The following SLC12A5 variants were observed in gnomAD, a reference collection of about 807,000 sequenced individuals.
SLC12A5 encodes the protein K-Cl cotransporter 2.
Under a neutral mutation model 124.0 loss-of-function variants are expected in SLC12A5, and 18 were observed. The observed-to-expected ratio is 0.15, with a 90% confidence interval of 0.10 to 0.22. The LOEUF (loss-of-function observed/expected upper bound fraction) is 0.22. Ranked by LOEUF, SLC12A5 falls within the 10% of genes least tolerant of loss-of-function variation. SLC12A5 has a pLI of 1.00. For missense variants in SLC12A5, 867 were observed against 1,478.7 expected (o/e 0.59, Z 6.78); for synonymous variants, 589 against 568.0 (o/e 1.04, Z -0.53).
At chr20:46,038,851 A>G (rs2084520186) in intron 6 of SLC12A5, among the ~76,000 whole-genome samples, 2 of 152,250 alleles carry the variant, frequency 1.3e-5, no homozygotes, top group South Asian at 4.1e-4. Flanking sequence ...CACAGCAATT[A>G]GTGTCACGGC....
rs1218000000 is a variant in SLC12A5 at position 46,029,334 on chromosome 20, G to A, written c.-11G>A. ...CGCAGCCATCCCCGGACCAGGGGCCGCGCCGCCACCATGCTAAACAACCTG... is the reference window on the plus strand; with the variant it reads ...CGCAGCCATCCCCGGACCAGGGGCCACGCCGCCACCATGCTAAACAACCTG... On this transcript the variant is annotated 5_prime_UTR_variant, in exon 1 of 26. Transcript: ENST00000243964. The A allele has an allele frequency of 1.8e-5, 28 of 1,543,332 alleles. No individual in the cohort carries two copies. In the South Asian group the frequency reaches 3.0e-4, roughly 17 times the overall value.
In SLC12A5 at chr20:46,057,449, C is replaced by A. The variant is rs753088645; in HGVS notation, c.3260-65C>A. The A allele has an allele frequency of 1.4e-5, 23 of 1,604,136 alleles. No individual in the cohort carries two copies. The highest frequency in any genetic ancestry group is 1.8e-5 in the Non-Finnish European group (21 of 1,171,098). ...CGGGCGCGAGAGGTCCCCTGGCAGC[C>A]GAGCGCGACCCCAATTTCGTCGGGA... On this transcript the variant is annotated intron_variant, in intron 25 of 25. Coordinates refer to ENST00000243964, the MANE Select transcript of SLC12A5 (RefSeq NM_020708.5). This position sits in a 1 kb window ranked among gnomAD's most constrained non-coding sequence, Gnocchi z 7.1.
At chr20:46,051,320 C>T (rs2084644195) in intron 17 of SLC12A5, among the ~76,000 whole-genome samples, 1 of 152,128 alleles carries the variant, frequency 6.6e-6, no homozygotes, top group African/African-American at 2.4e-5. Context: ...GGGGTGGTAT[C>T]TGAAGACGGC....
rs149824011 is a variant in SLC12A5 at position 46,045,927 on chromosome 20, T to C, written c.1619T>C (p.Leu540Pro). The change falls in exon 13 of 26, where the codon CTG (leucine) becomes CCG (proline). Residue 540 changes from leucine (L) to proline (P), a missense_variant. By Grantham distance (98) the Leu-to-Pro change is moderately conservative. This residue lies in a region of SLC12A5 where 152 missense variants were observed against 358.7 expected (regional missense o/e 0.42). Coordinates refer to ENST00000243964, the MANE Select transcript of SLC12A5 (RefSeq NM_020708.5). This position sits in a 1 kb window ranked among gnomAD's most constrained non-coding sequence, Gnocchi z 4.9. ...ANGEPTWALL[L>P]TACICEIGIL... ...GGAGAGCCGACCTGGGCCCTGCTCC[T>C]GACTGCCTGCATCTGCGAGATTGGC... 14 of 1,614,082 alleles carry C rather than the reference T, an allele frequency of 8.7e-6. No individual in the cohort carries two copies. The highest frequency in any genetic ancestry group is 3.4e-6 in the Non-Finnish European group (4 of 1,180,030).
Position 46,057,582 on chromosome 20 carries a change from G to A in SLC12A5, c.3328G>A (p.Glu1110Lys). ...RVMLVRGGGR[E>K]VITIYS ...GATGCTGGTCCGCGGCGGCGGCCGCGAGGTCATCACCATCTACTCCTGAGA... is the reference window on the plus strand; with the variant it reads ...GATGCTGGTCCGCGGCGGCGGCCGCAAGGTCATCACCATCTACTCCTGAGA... Residue 1110 changes from glutamate (E) to lysine (K), a missense_variant, in exon 26 of 26, where the codon GAG becomes AAG. Transcript: ENST00000243964. This position sits in a 1 kb window ranked among gnomAD's most constrained non-coding sequence, Gnocchi z 7.1. The A allele has an allele frequency of 6.2e-7, 1 of 1,613,914 alleles. No homozygotes were observed. The highest frequency in any genetic ancestry group is 8.5e-7 in the Non-Finnish European group (1 of 1,179,940).
At position 46,058,136 on chromosome 20, in the gene SLC12A5, A is replaced by T; in HGVS notation, c.*531A>T. 5.2e-6 allele frequency: 1 copy of T among 193,034 alleles called. No homozygotes were observed. 12.0% of individuals were successfully genotyped at this position (193,034 alleles called of 1,614,324 possible). On this transcript the variant is annotated 3_prime_UTR_variant, in exon 26 of 26. Transcript: ENST00000243964. The surrounding 1 kb of genome is among the most constrained non-coding windows in gnomAD (Gnocchi z 5.8). Reference sequence around the variant, plus strand: ...AGCCTATACATAGTGTACAGGAGACATCGCGTGTATTTTTAACGTCCCCAT... The same window carrying T: ...AGCCTATACATAGTGTACAGGAGACTTCGCGTGTATTTTTAACGTCCCCAT...
At position 46,056,050 on chromosome 20, in the gene SLC12A5, A is replaced by G. The variant is rs1349056057; in HGVS notation, c.2788-100A>G. The G allele has an allele frequency of 1.3e-6, 2 of 1,515,796 alleles. No individual in the cohort carries two copies. Among genetic ancestry groups the G allele is most frequent in the African/African-American group, 2.8e-5 (2 of 72,604 alleles). 93.9% of individuals were successfully genotyped at this position (1,515,796 alleles called of 1,614,324 possible). A position where few individuals can be genotyped will look rare whatever the true frequency, so the allele number is the denominator to read the frequency against. On this transcript the variant is annotated intron_variant, in intron 21 of 25. Transcript: ENST00000243964. The surrounding 1 kb of genome is among the most constrained non-coding windows in gnomAD (Gnocchi z 4.3). Reference sequence around the variant, plus strand: ...ATTTTAACAACTGGTACAGTTCCAGAAAGTGCATCCTGGCTGAACATCATC... The same window carrying G: ...ATTTTAACAACTGGTACAGTTCCAGGAAGTGCATCCTGGCTGAACATCATC...
Position 46,029,365 on chromosome 20 carries a change from C to G in SLC12A5, c.21C>G (p.Asp7Glu), listed in dbSNP as rs1411688611. Residue 7 changes from aspartate to glutamate, a missense_variant, in exon 1 of 26, where the codon GAC (aspartate) becomes GAG (glutamate). This residue lies in a region of SLC12A5 where 58 missense variants were observed against 52.2 expected (regional missense o/e 1.11). Transcript: ENST00000243964. MLNNLT[D>E]CEDGDGGANP... is the part of the protein sequence containing the mutation. ...CCACCATGCTAAACAACCTGACGGACTGCGAGGACGGCGATGGGGGAGCCA... is the reference window on the plus strand; with the variant it reads ...CCACCATGCTAAACAACCTGACGGAGTGCGAGGACGGCGATGGGGGAGCCA... 1 of 1,549,514 alleles carries G rather than the reference C, an allele frequency of 6.5e-7. No individual in the cohort carries two copies. Among genetic ancestry groups the G allele is most frequent in the East Asian group, 2.5e-5 (1 of 40,778 alleles).
chr20:46,026,563 C>T (rs2084400853), upstream of SLC12A5, among the ~76,000 whole-genome samples: 1 of 152,170 alleles, frequency 6.6e-6, no homozygotes, highest in African/African-American at 2.4e-5. Context: ...TGGGGTCCCC[C>T]CTTGGGACTG....
rs1289184369 is a variant in SLC12A5 at position 46,057,671 on chromosome 20, C to T, written c.*66C>T. 6 of 1,242,812 alleles carry T rather than the reference C, an allele frequency of 4.8e-6. No homozygotes were observed. Among genetic ancestry groups the T allele is most frequent in the Non-Finnish European group, 5.6e-6 (5 of 891,480 alleles). The allele number at this position is 1,242,812 out of a possible 1,614,324, so 77.0% of individuals were successfully genotyped here. On this transcript the variant is annotated 3_prime_UTR_variant, in exon 26 of 26. Coordinates refer to ENST00000243964, the MANE Select transcript of SLC12A5 (RefSeq NM_020708.5). This position sits in a 1 kb window ranked among gnomAD's most constrained non-coding sequence, Gnocchi z 7.1. ...GCGGCTCCGGAGCCCTCGCCGCGCC[C>T]CCCGCCGCTGTCACCGTTTACATAC...
At chr20:46,023,202 GA>G (rs1472897014) in intron 2 of SLC12A5, 2 of 397,776 alleles carry the variant, frequency 5.0e-6, no homozygotes, top group East Asian at 7.1e-5. Context: ...CCAGTCCCGG[GA>G]ACCGAACGCC....
At chr20:46,029,545 T>G (rs1437615462) in intron 1 of SLC12A5, 149 bp downstream of exon 1, 6 of 853,052 alleles carry the variant, frequency 7.0e-6, no homozygotes, top group South Asian at 1.8e-5. Context: ...GGAGCTCAGC[T>G]CCATTGGAAT....
In SLC12A5 at chr20:46,058,426, C is replaced by T; in HGVS notation, c.*821C>T. ...TTCCGAGATGAGGTGAGACAAGGGT[C>T]CAACTTTTCCTGGATTCGCCTCCCA... On this transcript the variant is annotated 3_prime_UTR_variant, in exon 26 of 26. Coordinates refer to ENST00000243964, the MANE Select transcript of SLC12A5 (RefSeq NM_020708.5). This position sits in a 1 kb window ranked among gnomAD's most constrained non-coding sequence, Gnocchi z 5.8. 2.5e-6 allele frequency: 1 copy of T among 399,016 alleles called. No individual in the cohort carries two copies. Among genetic ancestry groups the T allele is most frequent in the Non-Finnish European group, 4.4e-6 (1 of 226,106 alleles). The allele number at this position is 399,016 out of a possible 1,614,324, so 24.7% of individuals were successfully genotyped here.
At chr20:46,029,761 G>T (rs1272483610) in intron 1 of SLC12A5, among the ~76,000 whole-genome samples, 1 of 152,150 alleles carries the variant, frequency 6.6e-6, no homozygotes, top group African/African-American at 2.4e-5. Flanking sequence ...GGACCCCGGC[G>T]TCCTGGCGCA....
rs2145473578 is a variant in SLC12A5 at position 46,029,281 on chromosome 20, G to A, written c.-64G>A. On this transcript the variant is annotated 5_prime_UTR_variant, in exon 1 of 26. Coordinates refer to ENST00000243964, the MANE Select transcript of SLC12A5 (RefSeq NM_020708.5). Reference sequence around the variant, plus strand: ...CTACAGCGAACGAGAGAGCGGCGAAGGCGGGTAGAGGGGCGCGGGCGAGGC... The same window carrying A: ...CTACAGCGAACGAGAGAGCGGCGAAAGCGGGTAGAGGGGCGCGGGCGAGGC... 1.3e-6 allele frequency: 2 copies of A among 1,510,374 alleles called. No individual in the cohort carries two copies. Among genetic ancestry groups the A allele is most frequent in the East Asian group, 5.0e-5 (2 of 40,200 alleles). 93.6% of individuals were successfully genotyped at this position (1,510,374 alleles called of 1,614,324 possible). A position where few individuals can be genotyped will look rare whatever the true frequency, so the allele number is the denominator to read the frequency against.
chr20:46,038,518 G>C (rs1422003290), intron 6 of SLC12A5, among the ~76,000 whole-genome samples: 4 of 152,218 alleles, frequency 2.6e-5, no homozygotes. Flanking sequence ...GATGAGGAAA[G>C]CAAGGCTCAG....
rs2084489220 is a variant in SLC12A5, at chr20:46,035,487, G to A, written c.231G>A (p.Glu77=). 2 of 1,613,856 alleles carry A rather than the reference G, an allele frequency of 1.2e-6. No homozygotes were observed. Among genetic ancestry groups the A allele is most frequent in the Non-Finnish European group, 8.5e-7 (1 of 1,179,940 alleles). Residue 77 remains glutamate (E), a synonymous_variant, in exon 3 of 26, where the codon GAG becomes GAA. Transcript: ENST00000243964. ...NYTNLPQGSR[E]HEEAENNEGG... ...CCAACCTGCCCCAGGGAAGTAGGGA[G>A]CATGAAGAGGCAGAAAACAATGAGG...
upstream of SLC12A5, among the ~76,000 whole-genome samples, chr20:46,025,868 GC>G (rs2084393578): frequency 6.6e-6 from 1 of 152,198 alleles, no homozygotes; most frequent in South Asian, 2.1e-4. Context: ...GCCACAGCCA[GC>G]GGTGGGTGGG....
Position 46,035,441 on chromosome 20 carries a change from T to C in SLC12A5, c.185T>C (p.Leu62Pro). ...ACCAGCCCTATGGTGTCCTCCTTGC[T>C]CAGTGGCCTGGCCAACTACACCAAC... ...MDTSPMVSSLLSGLANYTNLP... is the reference protein window; with the variant it reads ...MDTSPMVSSLPSGLANYTNLP... Residue 62 changes from leucine (L) to proline (P), a missense_variant, in exon 3 of 26, where the codon CTC becomes CCC. Coordinates refer to ENST00000243964, the MANE Select transcript of SLC12A5 (RefSeq NM_020708.5). The C allele has an allele frequency of 6.2e-7, 1 of 1,613,936 alleles. No individual in the cohort carries two copies. The highest frequency in any genetic ancestry group is 8.5e-7 in the Non-Finnish European group (1 of 1,179,968).
Sources: gnomAD v4.1 joint callset for allele counts (sites outside exome capture counted in the v4.1 genomes callset) on GRCh38, gnomAD v4.1.1 for gene constraint, gnomAD v4.1.1 regional missense constraint, Gnocchi (gnomAD v3.1) non-coding constraint, MANE v1.5 for transcripts, NCBI Gene and HGNC (gene_info 2026-07-23, HGNC 2026-07-21) for gene names.